The following GCC2 variants were observed in gnomAD, a reference collection of about 807,000 sequenced individuals.
GCC2 encodes the protein GRIP and coiled-coil domain-containing protein 2.
In GCC2, 120 loss-of-function variants were observed where a neutral mutation model predicts 210.6. The ratio of observed to expected loss-of-function variants is 0.57; its 90% CI spans 0.49 to 0.66. The LOEUF (loss-of-function observed/expected upper bound fraction) is 0.66. GCC2 is among the 30% of genes least tolerant of loss of function. GCC2 has a pLI of 0.00. For synonymous variants in GCC2, 703 were observed against 652.7 expected, an observed-to-expected ratio of 1.08 and a Z score of -1.17; for missense variants, 1,868 against 1,871.9, an observed-to-expected ratio of 1.00 and a Z score of 0.04.
Position 108,507,738 on chromosome 2 carries a change from C to A in GCC2, c.*108C>A. ...AAAAAGTGTGTATATATGTTTGCATCTACATATATTTGTACATCTATATGA... is the reference window on the plus strand; with the variant it reads ...AAAAAGTGTGTATATATGTTTGCATATACATATATTTGTACATCTATATGA... On this transcript the variant is annotated 3_prime_UTR_variant, in exon 23 of 23. Coordinates refer to ENST00000309863, the MANE Select transcript of GCC2 (RefSeq NM_181453.4). 1 of 782,982 alleles carries A rather than the reference C, an allele frequency of 1.3e-6. No homozygotes were observed. The highest frequency in any genetic ancestry group is 1.6e-5 in the South Asian group (1 of 62,720). 48.5% of individuals were successfully genotyped at this position (782,982 alleles called of 1,614,324 possible).
intron 7 of GCC2, chr2:108,475,253 GAGAA>G (rs1347640538): frequency 8.4e-5 from 17 of 201,218 alleles, no homozygotes; most frequent in African/African-American, 3.7e-4. Flanking sequence ...GAAATCTAAT[GAGAA>G]AGAAGTCCTG....
In GCC2 at chr2:108,475,734, TACTTGTGTTTAAA is replaced by T; in HGVS notation, c.2962-15_2962-3del. 1 of 1,553,212 alleles carries T rather than the reference TACTTGTGTTTAAA, an allele frequency of 6.4e-7. No individual in the cohort carries two copies. The highest frequency in any genetic ancestry group is 8.8e-7 in the Non-Finnish European group (1 of 1,139,306). ...AAAAAAACAAAAACCTCTTTAATTTTACTTGTGTTTAAAACAGACCCAGACTGTGAAGGAAGAA... is the reference window on the plus strand; with the variant it reads ...AAAAAAACAAAAACCTCTTTAATTTTACAGACCCAGACTGTGAAGGAAGAA... On this transcript the variant is annotated splice_region_variant and splice_polypyrimidine_tract_variant and intron_variant, in intron 8 of 22. Coordinates refer to ENST00000309863, the MANE Select transcript of GCC2 (RefSeq NM_181453.4).
chr2:108,504,567 A>T (rs1174049991), intron 22 of GCC2, among the ~76,000 whole-genome samples: 1 of 152,216 alleles, frequency 6.6e-6, no homozygotes, highest in Admixed American at 6.5e-5. Context: ...CTCTCCTTGC[A>T]TCACAAATGT....
intron 1 of GCC2, 103 bp from the exon 2 acceptor site, chr2:108,449,530 C>G: frequency 7.6e-7 from 1 of 1,310,074 alleles, no homozygotes; most frequent in Non-Finnish European, 1.1e-6. Context: ...GGCTTTCCAC[C>G]ACTTGATTCC....
Position 108,485,879 on chromosome 2 carries a change from G to A in GCC2, c.3763G>A (p.Ala1255Thr). The A allele has an allele frequency of 6.3e-7, 1 of 1,585,574 alleles. No homozygotes were observed. Among genetic ancestry groups the A allele is most frequent in the Non-Finnish European group, 8.6e-7 (1 of 1,162,548 alleles). The stretch of plus-strand genomic sequence containing the variant: ...AGCATCTTTAAAAGGTGAGCTGGAG[G>A]CAAGCCAGCAGCAAGTAGAAGTCTA... Reference protein sequence around the residue: ...LQASLKGELEASQQQVEVYKI... With the variant: ...LQASLKGELETSQQQVEVYKI... The change falls in exon 15 of 23, where the codon GCA (alanine) becomes ACA (threonine). Residue 1255 changes from alanine to threonine, a missense_variant. This residue lies in a region of GCC2 where 1,847 missense variants were observed against 1,765.2 expected (regional missense o/e 1.05). Coordinates refer to ENST00000309863, the MANE Select transcript of GCC2 (RefSeq NM_181453.4).
chr2:108,454,248 C>G (rs150998151), intron 4 of GCC2, among the ~76,000 whole-genome samples: 194 of 152,308 alleles, frequency 1.3e-3, no homozygotes, highest in Middle Eastern at 6.8e-3. Context: ...CCTCGTCCTC[C>G]CGAAGTGCTG....
chr2:108,476,733 T>A (rs1681549018), intron 9 of GCC2, among the ~76,000 whole-genome samples: 1 of 152,206 alleles, frequency 6.6e-6, no homozygotes, highest in African/African-American at 2.4e-5. Flanking sequence ...TGTGGCAGAC[T>A]GACTTCTGAG....
intron 2 of GCC2, among the ~76,000 whole-genome samples, 155 bp from the exon 3 acceptor site, chr2:108,450,873 C>G (rs866528059): frequency 2.0e-5 from 3 of 152,146 alleles, no homozygotes; most frequent in Middle Eastern, 3.4e-3. Context: ...TAGAGCGAGA[C>G]TCTGTCTCAA....
chr2:108,489,741 A>G (rs1682315524), intron 17 of GCC2, 97 bp from the exon 18 acceptor site: 1 of 666,638 alleles, frequency 1.5e-6, no homozygotes, highest in Non-Finnish European at 2.5e-6. Context: ...ATCCAAGAGT[A>G]TGGCATTGAA....
At chr2:108,465,222 A>T (rs1477733703) in intron 4 of GCC2, among the ~76,000 whole-genome samples, 1 of 152,172 alleles carries the variant, frequency 6.6e-6, no homozygotes, top group East Asian at 1.9e-4. Flanking sequence ...TCTCTCTTGG[A>T]TGATCTGTAT....
intron 22 of GCC2, among the ~76,000 whole-genome samples, chr2:108,505,032 G>A (rs1164448824): frequency 6.6e-6 from 1 of 152,294 alleles, no homozygotes; most frequent in South Asian, 2.1e-4. Flanking sequence ...ACCTTCCAAG[G>A]CAAGAGCAAA....
chr2:108,507,963 C>T lies in GCC2; in HGVS notation c.*333C>T, dbSNP rs1683287740. On this transcript the variant is annotated 3_prime_UTR_variant, in exon 23 of 23. Coordinates refer to ENST00000309863, the MANE Select transcript of GCC2 (RefSeq NM_181453.4). ...CAGTACTGTGAATTTTGAAGTTAAA[C>T]TAAATTTTGGTACCATACCAACTGG... 1 of 184,822 alleles carries T rather than the reference C, an allele frequency of 5.4e-6. No individual in the cohort carries two copies. The highest frequency in any genetic ancestry group is 1.1e-5 in the Non-Finnish European group (1 of 87,584). 11.4% of individuals were successfully genotyped at this position (184,822 alleles called of 1,614,324 possible).
rs755553644 is a variant in GCC2 at position 108,483,138 on chromosome 2, C to T, written c.3422C>T (p.Thr1141Ile). The change falls in exon 12 of 23, where the codon ACC becomes ATC. Residue 1141 changes from threonine (T) to isoleucine (I), a missense_variant. Transcript: ENST00000309863. ...AAGCAAAAGAAACAGCTTCAGAAAACCATGCAAGAATTAGAGCTGGTTAAA... is the reference window on the plus strand; with the variant it reads ...AAGCAAAAGAAACAGCTTCAGAAAATCATGCAAGAATTAGAGCTGGTTAAA... ...LQKQKKQLQK[T>I]MQELELVKKD... The T allele has an allele frequency of 4.5e-6, 7 of 1,562,922 alleles. No individual in the cohort carries two copies. In the South Asian group the frequency reaches 7.8e-5, roughly 17 times the overall value.
intron 9 of GCC2, among the ~76,000 whole-genome samples, chr2:108,479,731 TC>T: frequency 6.6e-6 from 1 of 151,832 alleles, no homozygotes; most frequent in East Asian, 1.9e-4. Context: ...TGCCTGTAAT[TC>T]CAACACTTTG....
intron 2 of GCC2, 47 bp downstream of exon 2, chr2:108,449,736 G>T: frequency 6.7e-7 from 1 of 1,485,984 alleles, no homozygotes; most frequent in South Asian, 1.2e-5. Context: ...GTGGAAGGGT[G>T]ATGAATTGGA....
chr2:108,475,877 G>T (rs1411349854), intron 9 of GCC2, 27 bp downstream of exon 9: 1 of 1,214,584 alleles, frequency 8.2e-7, no homozygotes, highest in East Asian at 2.4e-5. Flanking sequence ...TTAATAACAA[G>T]TTATAAAAGT....
In GCC2 at chr2:108,472,031, G is replaced by T; in HGVS notation, c.2702G>T (p.Cys901Phe). 6.3e-7 allele frequency: 1 copy of T among 1,593,384 alleles called. No individual in the cohort carries two copies. The highest frequency in any genetic ancestry group is 8.5e-7 in the Non-Finnish European group (1 of 1,173,932). Residue 901 changes from cysteine to phenylalanine, a missense_variant, in exon 6 of 23, where the codon TGT becomes TTT. Coordinates refer to ENST00000309863, the MANE Select transcript of GCC2 (RefSeq NM_181453.4). ...GAAATCCATAATGAAAAAGAAAAAT[G>T]TTTTATAAAGGAACATGAAAACCTA... Reference protein sequence around the residue: ...KSEIHNEKEKCFIKEHENLKP... With the variant: ...KSEIHNEKEKFFIKEHENLKP...
intron 4 of GCC2, among the ~76,000 whole-genome samples, chr2:108,452,691 C>CTTTTTTT (rs34444254): frequency 1.1e-4 from 11 of 99,436 alleles, no homozygotes; most frequent in African/African-American, 1.6e-4. Flanking sequence ...TTTTTTCTTT[C>CTTTTTTT]TTTTTTTTTT....
intron 4 of GCC2, among the ~76,000 whole-genome samples, chr2:108,465,675 T>G (rs1375417534): frequency 2.0e-5 from 3 of 152,234 alleles, no homozygotes; most frequent in African/African-American, 7.2e-5. Flanking sequence ...CATTATTTCA[T>G]TCCTTTTTAT....
Sources: gnomAD v4.1 joint callset for allele counts (sites outside exome capture counted in the v4.1 genomes callset) on GRCh38, gnomAD v4.1.1 for gene constraint, gnomAD v4.1.1 regional missense constraint, MANE v1.5 for transcripts, NCBI Gene and HGNC (gene_info 2026-07-23, HGNC 2026-07-21) for gene names.